Variants in COLGALT2 observed in about 807,000 individuals in gnomAD.
COLGALT2 encodes the protein procollagen galactosyltransferase 2.
COLGALT2 carries 49 observed loss-of-function variants against 73.4 expected under a neutral mutation model. The ratio of observed to expected loss-of-function variants is 0.67; its 90% CI spans 0.53 to 0.85. The LOEUF (loss-of-function observed/expected upper bound fraction) is 0.85, where lower values mean the gene tolerates loss of function less well. COLGALT2 is among the 40% of genes least tolerant of loss of function. COLGALT2 has a pLI of 0.00. For synonymous variants in COLGALT2, 295 were observed against 307.6 expected, an observed-to-expected ratio of 0.96 and a Z score of 0.43; for missense variants, 722 against 790.2, an observed-to-expected ratio of 0.91 and a Z score of 1.03.
chr1:183,959,215 T>C (rs1670632397), intron 6 of COLGALT2, among the ~76,000 whole-genome samples: 1 of 152,198 alleles, frequency 6.6e-6, no homozygotes, highest in South Asian at 2.1e-4. Context: ...CCTCTTCTCA[T>C]CCTGTGTTCT....
intron 1 of COLGALT2, among the ~76,000 whole-genome samples, chr1:183,988,134 C>T (rs1359819089): frequency 6.6e-6 from 1 of 152,132 alleles, no homozygotes. Context: ...AAACATCTTC[C>T]ATGAGAAAGA....
intron 10 of COLGALT2, among the ~76,000 whole-genome samples, chr1:183,941,040 G>A (rs1670094022): frequency 6.6e-6 from 1 of 152,166 alleles, no homozygotes; most frequent in Non-Finnish European, 1.5e-5. Context: ...TTTCAAGACG[G>A]AAAGTAAGAT....
chr1:184,037,520 T>G lies in COLGALT2; in HGVS notation c.-163A>C, dbSNP rs2102867623. The G allele has an allele frequency of 8.7e-7, 1 of 1,147,252 alleles. No homozygotes were observed. The highest frequency in any genetic ancestry group is 1.1e-6 in the Non-Finnish European group (1 of 935,030). The allele number at this position is 1,147,252 out of a possible 1,614,324, so 71.1% of individuals were successfully genotyped here. ...CACACACTGGCCTCGGCGGCTGCGG[T>G]TCCCAGGACCCTCCCGCCGCCGCTG... is the stretch of plus-strand genomic sequence containing the variant. On this transcript the variant is annotated 5_prime_UTR_variant, in exon 1 of 12. Coordinates refer to ENST00000361927, the MANE Select transcript of COLGALT2 (RefSeq NM_015101.4).
chr1:183,957,546 C>A (rs1670585692), intron 6 of COLGALT2, among the ~76,000 whole-genome samples: 1 of 152,228 alleles, frequency 6.6e-6, no homozygotes. Context: ...TGCAGCCTAG[C>A]TTGGGTCCTT....
chr1:183,951,462 A>C (rs1188406578), intron 7 of COLGALT2, among the ~76,000 whole-genome samples: 1 of 152,202 alleles, frequency 6.6e-6, no homozygotes, highest in Non-Finnish European at 1.5e-5. Flanking sequence ...TAAAGATGCC[A>C]CCAAAAAACC....
chr1:184,028,731 C>T (rs1376223480), intron 1 of COLGALT2, among the ~76,000 whole-genome samples: 2 of 151,942 alleles, frequency 1.3e-5, no homozygotes. Context: ...GGTATACAGC[C>T]CAAGATCACT....
In COLGALT2 at chr1:184,037,466, G is replaced by A; in HGVS notation, c.-109C>T. The stretch of plus-strand genomic sequence containing the variant: ...GCAAGGGGCTGCGAGGGGCGGCCGG[G>A]GGATGCGGCTTGCCGCGGCCGGCCG... On this transcript the variant is annotated 5_prime_UTR_variant, in exon 1 of 12. Coordinates refer to ENST00000361927, the MANE Select transcript of COLGALT2 (RefSeq NM_015101.4). The A allele has an allele frequency of 8.3e-7, 1 of 1,205,662 alleles. No individual in the cohort carries two copies. The highest frequency in any genetic ancestry group is 4.1e-5 in the South Asian group (1 of 24,604). 74.7% of individuals were successfully genotyped at this position (1,205,662 alleles called of 1,614,324 possible).
intron 1 of COLGALT2, among the ~76,000 whole-genome samples, chr1:184,027,419 A>C (rs373853334): frequency 2.6e-5 from 4 of 152,332 alleles, no homozygotes; most frequent in African/African-American, 2.4e-5. Flanking sequence ...CCATCTGATG[A>C]ATGTGACTGA....
intron 6 of COLGALT2, among the ~76,000 whole-genome samples, chr1:183,959,184 T>A (rs1181547953): frequency 6.6e-6 from 1 of 152,208 alleles, no homozygotes; most frequent in Non-Finnish European, 1.5e-5. Flanking sequence ...TCTGGCTGTT[T>A]TGTCTTCCCC....
At chr1:183,996,002 C>T (rs1671760334) in intron 1 of COLGALT2, among the ~76,000 whole-genome samples, 1 of 152,112 alleles carries the variant, frequency 6.6e-6, no homozygotes, top group African/African-American at 2.4e-5. Context: ...AACTCTTTTA[C>T]CTGAATTATC....
rs113096980 is a variant in COLGALT2 at position 183,986,080 on chromosome 1, A to G, written c.264-7560T>C. ...TCAAGGAAAGCCTCCCCAGCAGCAG[A>G]CGTGCCAAAGGCAGAGACATGCTCA... is the stretch of plus-strand genomic sequence containing the variant. On this transcript the variant is annotated intron_variant, in intron 1 of 11. Transcript: ENST00000361927. Among the ~76,000 whole-genome samples, 25 of 152,330 alleles carry G rather than the reference A, an allele frequency of 1.6e-4. 1 individual carries two copies. Among genetic ancestry groups the G allele is most frequent in the African/African-American group, 5.8e-4 (24 of 41,570 alleles).
intron 1 of COLGALT2, among the ~76,000 whole-genome samples, chr1:184,012,619 A>C (rs568988679): frequency 1.3e-5 from 2 of 152,352 alleles, no homozygotes; most frequent in Non-Finnish European, 2.9e-5. Context: ...CTCACTGTGC[A>C]TTTCAAAGGC....
intron 1 of COLGALT2, among the ~76,000 whole-genome samples, chr1:184,024,057 CAA>C (rs893171226): frequency 6.6e-6 from 1 of 152,082 alleles, no homozygotes; most frequent in African/African-American, 2.4e-5. Context: ...GAAAAAAGCT[CAA>C]AATGCCATCT....
chr1:183,978,788 T>C (rs935320435), intron 1 of COLGALT2, among the ~76,000 whole-genome samples: 11 of 152,146 alleles, frequency 7.2e-5, no homozygotes, highest in Admixed American at 3.3e-4. Flanking sequence ...AATAAACACA[T>C]GAAAACACCA....
intron 2 of COLGALT2, among the ~76,000 whole-genome samples, chr1:183,977,812 A>AGAGAGAGAGAGAG (rs1553317022): frequency 1.1e-4 from 6 of 52,320 alleles, no homozygotes; most frequent in Non-Finnish European, 4.1e-4. Context: ...GAAAGAGAGA[A>AGAGAGAGAGAGAG]AGAGAGAGAG....
chr1:183,939,105 G>T, intron 11 of COLGALT2, 68 bp from the exon 12 acceptor site: 1 of 1,180,472 alleles, frequency 8.5e-7, no homozygotes, highest in Non-Finnish European at 1.2e-6. Flanking sequence ...GGGACAAAGA[G>T]TGAAGGAGGC....
At chr1:183,967,698 G>A (rs1265573564) in intron 5 of COLGALT2, among the ~76,000 whole-genome samples, 1 of 152,136 alleles carries the variant, frequency 6.6e-6, no homozygotes, top group African/African-American at 2.4e-5. Flanking sequence ...TCACTTTCTT[G>A]GAACATCCTA....
intron 1 of COLGALT2, among the ~76,000 whole-genome samples, chr1:183,992,600 A>G (rs567011805): frequency 6.6e-6 from 1 of 151,982 alleles, no homozygotes; most frequent in South Asian, 2.1e-4. Context: ...ATATTGCTCA[A>G]AACTTTCAGT....
chr1:183,975,590 G>C (rs1671167081), intron 2 of COLGALT2, among the ~76,000 whole-genome samples: 1 of 152,314 alleles, frequency 6.6e-6, no homozygotes, highest in African/African-American at 2.4e-5. Flanking sequence ...CATGTTCCTA[G>C]ACAATTTTTA....
Sources: allele counts gnomAD v4.1 joint callset (sites outside exome capture counted in the v4.1 genomes callset), GRCh38; gene constraint gnomAD v4.1.1; transcripts MANE v1.5; gene names NCBI Gene and HGNC (gene_info 2026-07-23, HGNC 2026-07-21).